ARID4A: variants seen among roughly 807,000 people sequenced by gnomAD.
The protein encoded by ARID4A is AT-rich interactive domain-containing protein 4A.
A neutral mutation model predicts 148.6 loss-of-function variants in ARID4A; 39 were observed. That is an observed-to-expected ratio of 0.26 (90% CI 0.20 to 0.34). The LOEUF is 0.34. Among genes scored for constraint, ARID4A ranks in the 10% least tolerant of loss-of-function variants. ARID4A has a pLI of 1.00. For synonymous variants in ARID4A, 475 were observed against 481.2 expected (o/e 0.99, Z 0.17); for missense variants, 1,265 against 1,449.1 (o/e 0.87, Z 2.06).
At chr14:58,343,676 A>G (rs1360009769) in intron 11 of ARID4A, among the ~76,000 whole-genome samples, 3 of 152,058 alleles carry the variant, frequency 2.0e-5, no homozygotes, top group Non-Finnish European at 4.4e-5. Flanking sequence ...TAAAAATACA[A>G]AAAATTAGCC....
chr14:58,299,970 G>C, intron 2 of ARID4A, 110 bp downstream of exon 2: 2 of 1,487,726 alleles, frequency 1.3e-6, no homozygotes, highest in Non-Finnish European at 1.9e-6. Context: ...TGTTCCTACT[G>C]ATCAGCAGTT....
chr14:58,359,068 A>G, intron 17 of ARID4A, 64 bp from the exon 18 acceptor site: 5 of 1,490,208 alleles, frequency 3.4e-6, no homozygotes, highest in Non-Finnish European at 3.6e-6. Context: ...TGGTGAATAC[A>G]TTTCAAAAAG....
chr14:58,355,207 A>G (rs571192508), intron 17 of ARID4A, among the ~76,000 whole-genome samples: 15 of 152,260 alleles, frequency 9.9e-5, no homozygotes, highest in Non-Finnish European at 1.9e-4. Flanking sequence ...GGGTTTCTCT[A>G]TACACTAGAT....
chr14:58,315,964 A>C (rs2032380863), intron 5 of ARID4A, among the ~76,000 whole-genome samples: 1 of 152,218 alleles, frequency 6.6e-6, no homozygotes, highest in Non-Finnish European at 1.5e-5. Context: ...AAAAGAATCT[A>C]AGCTAGGTAT....
intron 8 of ARID4A, among the ~76,000 whole-genome samples, chr14:58,323,974 G>A (rs113571233): frequency 5.8e-5 from 8 of 137,692 alleles, no homozygotes; most frequent in Admixed American, 3.3e-4. Flanking sequence ...GCGCGATCTC[G>A]GCTCACTGCA....
intron 8 of ARID4A, among the ~76,000 whole-genome samples, chr14:58,327,762 C>T (rs1189335947): frequency 6.6e-6 from 1 of 152,068 alleles, no homozygotes; most frequent in Non-Finnish European, 1.5e-5. Flanking sequence ...GCCTCCACCT[C>T]CTGGGCTCAA....
chr14:58,309,305 C>T (rs1284395955), intron 5 of ARID4A, among the ~76,000 whole-genome samples: 1 of 152,164 alleles, frequency 6.6e-6, no homozygotes, highest in African/African-American at 2.4e-5. Flanking sequence ...GAATAGTAAA[C>T]AGCACCAACT....
chr14:58,354,708 AAAG>A (rs1337499341), intron 17 of ARID4A, among the ~76,000 whole-genome samples: 3 of 151,962 alleles, frequency 2.0e-5, no homozygotes, highest in African/African-American at 4.8e-5. Flanking sequence ...AAAAAAGAAA[AAAG>A]AGATTTTGCT....
chr14:58,323,463 A>T lies in ARID4A; in HGVS notation c.450-22A>T, dbSNP rs189434559. ...AATAATTGTTTGTGTTAGGATAATGATCAAGTTATTCTAACTTTTAGTACT... is the reference window on the plus strand; with the variant it reads ...AATAATTGTTTGTGTTAGGATAATGTTCAAGTTATTCTAACTTTTAGTACT... On this transcript the variant is annotated intron_variant, in intron 7 of 23. Coordinates refer to ENST00000355431, the MANE Select transcript of ARID4A (RefSeq NM_002892.4). 6.9e-6 allele frequency: 11 copies of T among 1,596,504 alleles called. No individual in the cohort carries two copies. The Admixed American group carries it at 1.5e-4, about 22-fold the overall frequency.
intron 16 of ARID4A, chr14:58,351,569 C>A: frequency 2.9e-6 from 1 of 342,816 alleles, no homozygotes; most frequent in East Asian, 4.8e-5. Flanking sequence ...GCTGCGCCAC[C>A]CAGTCAAAAG....
chr14:58,341,006 G>A (rs1368712643), intron 11 of ARID4A, among the ~76,000 whole-genome samples: 2 of 152,092 alleles, frequency 1.3e-5, no homozygotes, highest in Non-Finnish European at 2.9e-5. Context: ...AGGCACAGTG[G>A]TTCTCTTTTC....
At chr14:58,310,974 G>A (rs533030429) in intron 5 of ARID4A, among the ~76,000 whole-genome samples, 16 of 152,136 alleles carry the variant, frequency 1.1e-4, no homozygotes, top group African/African-American at 3.4e-4. Flanking sequence ...GGCTGGGCAC[G>A]GTGGCTCACG....
At chr14:58,337,254 A>ATATATATATATG (rs2033876360) in intron 11 of ARID4A, among the ~76,000 whole-genome samples, 1 of 128,742 alleles carries the variant, frequency 7.8e-6, no homozygotes, top group Admixed American at 7.8e-5. Context: ...ATTTATATAT[A>ATATATATATATG]TATATATATA....
intron 7 of ARID4A, among the ~76,000 whole-genome samples, chr14:58,322,238 C>A (rs1302995829): frequency 6.6e-6 from 1 of 151,906 alleles, no homozygotes; most frequent in African/African-American, 2.4e-5. Context: ...CCAAAGTGCT[C>A]AGATTACAGG....
Position 58,351,073 on chromosome 14 carries a change from G to A in ARID4A, c.1405G>A (p.Gly469Arg), listed in dbSNP as rs1435408163. 1 of 1,590,692 alleles carries A rather than the reference G, an allele frequency of 6.3e-7. No homozygotes were observed. Among genetic ancestry groups the A allele is most frequent in the African/African-American group, 1.4e-5 (1 of 73,128 alleles). ...REEIELKSPR[G>R]RRRIARDVNS... is the part of the protein sequence containing the mutation. ...TTAAAGCTTTTATCCCCTCTACTAG[G>A]GACGAAGGAGAATTGCTCGAGATGT... is the stretch of plus-strand genomic sequence containing the variant. The change falls in exon 16 of 24, where the codon GGA becomes AGA. Residue 469 changes from glycine to arginine, a missense_variant and splice_region_variant. Physicochemically the swap from Gly to Arg is moderately radical, Grantham distance 125. Around this residue, in one of 9 missense-constraint regions of ARID4A, gnomAD observed 205 missense variants for 196.9 expected, o/e 1.04. Coordinates refer to ENST00000355431, the MANE Select transcript of ARID4A (RefSeq NM_002892.4).
chr14:58,321,774 A>C (rs2032906056), intron 7 of ARID4A, among the ~76,000 whole-genome samples: 1 of 152,130 alleles, frequency 6.6e-6, no homozygotes, highest in Non-Finnish European at 1.5e-5. Flanking sequence ...TACTAGATAT[A>C]TCACTTTGGG....
rs1418042590 is a variant in ARID4A at position 58,364,612 on chromosome 14, T to G, written c.2523T>G (p.Ala841=). 6.2e-7 allele frequency: 1 copy of G among 1,613,508 alleles called. No homozygotes were observed. Among genetic ancestry groups the G allele is most frequent in the Non-Finnish European group, 8.5e-7 (1 of 1,179,848 alleles). The change falls in exon 20 of 24, where the codon GCT becomes GCG. Residue 841 remains alanine, a synonymous_variant. Coordinates refer to ENST00000355431, the MANE Select transcript of ARID4A (RefSeq NM_002892.4). ...SSLDNKNFSS[A]TEDEIDQCVK... ...TAGACAATAAAAACTTTTCTTCTGC[T>G]ACAGAAGATGAAATTGACCAATGTG...
chr14:58,315,649 T>G (rs1487760775), intron 5 of ARID4A, among the ~76,000 whole-genome samples: 1 of 152,188 alleles, frequency 6.6e-6, no homozygotes. Context: ...TAACAAGAAT[T>G]ATATTGTTTG....
chr14:58,332,046 A>G (rs1022787213), intron 11 of ARID4A, among the ~76,000 whole-genome samples: 2 of 136,024 alleles, frequency 1.5e-5, no homozygotes, highest in African/African-American at 5.4e-5. Flanking sequence ...GGGTAAAAAG[A>G]GCTTTGTAGG....
Sources: gnomAD v4.1 joint callset for allele counts (sites outside exome capture counted in the v4.1 genomes callset) on GRCh38, gnomAD v4.1.1 for gene constraint, gnomAD v4.1.1 regional missense constraint, MANE v1.5 for transcripts, NCBI Gene and HGNC (gene_info 2026-07-23, HGNC 2026-07-21) for gene names.